Variants in ANK2 observed in about 807,000 individuals in gnomAD.
ANK2 encodes ankyrin 2.
Under a neutral mutation model 360.5 loss-of-function variants are expected in ANK2, and 83 were observed. The observed-to-expected ratio is 0.23, with a 90% confidence interval of 0.19 to 0.28. The LOEUF (loss-of-function observed/expected upper bound fraction) is 0.28. ANK2 is among the 10% of genes least tolerant of loss of function. The pLI is 1.00. For synonymous variants in ANK2, 1,740 were observed against 1,759.5 expected (o/e 0.99, Z 0.28); for missense variants, 4,201 against 4,795.7 (o/e 0.88, Z 3.66).
intron 2 of ANK2, among the ~76,000 whole-genome samples, chr4:112,914,603 CAAAAA>C (rs2089044274): frequency 6.6e-6 from 1 of 151,594 alleles, no homozygotes; most frequent in Non-Finnish European, 1.5e-5. Flanking sequence ...GACTCTGTCT[CAAAAA>C]GAAAAGAAAA....
chr4:113,307,708 T>A (rs2077930930), intron 23 of ANK2, among the ~76,000 whole-genome samples: 1 of 152,134 alleles, frequency 6.6e-6, no homozygotes, highest in South Asian at 2.1e-4. Context: ...CGGCCGCCGT[T>A]CCACTTTAAG....
In ANK2 at chr4:113,293,507, T is replaced by C. The variant is rs1396611769; in HGVS notation, c.2444T>C (p.Val815Ala). 6.2e-7 allele frequency: 1 copy of C among 1,613,526 alleles called. No individual in the cohort carries two copies. The highest frequency in any genetic ancestry group is 1.3e-5 in the African/African-American group (1 of 74,880). ...ATCTCCGTGGTCGACACCCTGAAGG[T>C]TGTGACTGAGGAGGTCACCACCACC... ...GYISVVDTLK[V>A]VTEEVTTTTT... The change falls in exon 22 of 46, where the codon GTT (valine) becomes GCT (alanine). Residue 815 changes from valine (V) to alanine (A), a missense_variant. Transcript: ENST00000357077.
At chr4:113,232,304 T>C in intron 5 of ANK2, 45 bp downstream of exon 5, 3 of 1,389,490 alleles carry the variant, frequency 2.2e-6, no homozygotes, top group South Asian at 2.3e-5. Context: ...GATCTTAATG[T>C]CCATATTCTT....
the ANK2 span, among the ~76,000 whole-genome samples, chr4:112,784,698 G>C: frequency 6.6e-6 from 1 of 152,108 alleles, no homozygotes; most frequent in African/African-American, 2.4e-5. Context: ...GCCTCTCCAA[G>C]TGCTGGGATT....
chr4:112,784,687 A>T, the ANK2 span, among the ~76,000 whole-genome samples: 9 of 152,014 alleles, frequency 5.9e-5, no homozygotes, highest in Admixed American at 2.0e-4. Flanking sequence ...TGCCCACCTT[A>T]GCCTCTCCAA....
chr4:113,205,011 G>A (rs1584805816), intron 4 of ANK2, among the ~76,000 whole-genome samples: 1 of 151,970 alleles, frequency 6.6e-6, no homozygotes, highest in African/African-American at 2.4e-5. Context: ...CGAGACGGGC[G>A]GATCACGAGG....
the ANK2 span, among the ~76,000 whole-genome samples, chr4:112,734,510 T>C: frequency 1.3e-5 from 2 of 152,202 alleles, no homozygotes; most frequent in African/African-American, 2.4e-5. Context: ...TGAGGATCCC[T>C]GTTAGGGGTG....
intron 4 of ANK2, among the ~76,000 whole-genome samples, chr4:113,226,039 T>C (rs964264475): frequency 2.0e-5 from 3 of 152,144 alleles, no homozygotes; most frequent in African/African-American, 7.2e-5. Context: ...TTCCTAATCG[T>C]GAAACAGAGT....
intron 1 of ANK2, among the ~76,000 whole-genome samples, chr4:112,842,292 G>A (rs1443771223): frequency 2.6e-5 from 4 of 152,246 alleles, no homozygotes; most frequent in African/African-American, 4.8e-5. Context: ...TTACAGGCGT[G>A]AGCTACCACG....
chr4:112,840,679 C>G (rs1186276531), intron 1 of ANK2, among the ~76,000 whole-genome samples: 2 of 152,166 alleles, frequency 1.3e-5, no homozygotes, highest in African/African-American at 4.8e-5. Context: ...TATACAATGT[C>G]TTATATGCCT....
chr4:113,360,675 C>T (rs2096151237), intron 38 of ANK2, 148 bp from the exon 39 acceptor site: 1 of 732,016 alleles, frequency 1.4e-6, no homozygotes, highest in African/African-American at 1.8e-5. Flanking sequence ...CCCCAGAAAT[C>T]AGACACACAA....
intron 2 of ANK2, among the ~76,000 whole-genome samples, chr4:112,996,572 A>G (rs1486549582): frequency 2.0e-5 from 3 of 151,992 alleles, no homozygotes; most frequent in Non-Finnish European, 4.4e-5. Context: ...ATTCACATAA[A>G]TTTTATTTAC....
intron 20 of ANK2, among the ~76,000 whole-genome samples, chr4:113,289,275 G>C (rs1018550967): frequency 6.7e-6 from 1 of 150,062 alleles, no homozygotes; most frequent in East Asian, 1.9e-4. Flanking sequence ...GAAAGCAATG[G>C]CACGATCAGA....
intron 2 of ANK2, among the ~76,000 whole-genome samples, chr4:113,000,904 T>TTCTC (rs3029996): frequency 6.6e-6 from 1 of 151,586 alleles, no homozygotes; most frequent in African/African-American, 2.4e-5. Flanking sequence ...GACTACTTCT[T>TTCTC]TATTTTCCTG....
At chr4:113,296,102 C>T (rs947707109) in intron 22 of ANK2, among the ~76,000 whole-genome samples, 17 of 152,040 alleles carry the variant, frequency 1.1e-4, no homozygotes, top group South Asian at 2.1e-4. Flanking sequence ...TTTAGGTTGT[C>T]GGGTTTTAAA....
At chr4:112,977,086 GAA>G (rs1175470488) in intron 2 of ANK2, among the ~76,000 whole-genome samples, 14 of 152,152 alleles carry the variant, frequency 9.2e-5, no homozygotes, top group African/African-American at 3.1e-4. Flanking sequence ...CTTTCTAAAA[GAA>G]TGGTTTATAC....
intron 1 of ANK2, among the ~76,000 whole-genome samples, chr4:113,101,585 G>T (rs2092840410): frequency 6.6e-6 from 1 of 151,998 alleles, no homozygotes; most frequent in Non-Finnish European, 1.5e-5. Flanking sequence ...CTAAGAAAAA[G>T]TTACAGAGCT....
chr4:113,284,482 T>TA lies in ANK2; in HGVS notation c.2079+1615dup, dbSNP rs1303893861. Among the ~76,000 whole-genome samples the TA allele has an allele frequency of 2.0e-5, 3 of 152,234 alleles. No homozygotes were observed. The East Asian group carries it at 5.8e-4, about 29-fold the overall frequency. On this transcript the variant is annotated intron_variant, in intron 18 of 45. Coordinates refer to ENST00000357077, the MANE Select transcript of ANK2 (RefSeq NM_001148.6). ...TTCTGATGGTGTTATTTTTAATTTA[T>TA]AAAAATGACAAGTACATATCTGAAA...
At chr4:112,753,730 G>T in the ANK2 span, among the ~76,000 whole-genome samples, 2 of 152,258 alleles carry the variant, frequency 1.3e-5, no homozygotes, top group Non-Finnish European at 2.9e-5. Flanking sequence ...AAATGCCATG[G>T]CAATGTCAGG....
Sources: allele counts gnomAD v4.1 joint callset (sites outside exome capture counted in the v4.1 genomes callset), GRCh38; gene constraint gnomAD v4.1.1; transcripts MANE v1.5; gene names NCBI Gene and HGNC (gene_info 2026-07-23, HGNC 2026-07-21).